GPR157: variants seen among roughly 807,000 people sequenced by gnomAD.
GPR157 encodes G-protein coupled receptor 157.
A neutral mutation model predicts 23.5 loss-of-function variants in GPR157; 16 were observed. The ratio of observed to expected loss-of-function variants is 0.68; its 90% confidence interval spans 0.46 to 1.04. The LOEUF is 1.04. Among genes scored for constraint, GPR157 ranks in the 50% least tolerant of loss-of-function variants. GPR157 has a pLI of 0.00. For synonymous variants in GPR157, 200 were observed against 221.5 expected, an observed-to-expected ratio of 0.90 and a Z score of 0.86; for missense variants, 440 against 460.7, an observed-to-expected ratio of 0.96 and a Z score of 0.41.
chr1:9,114,871 A>G (rs1404613022), intron 1 of GPR157, among the ~76,000 whole-genome samples: 1 of 150,538 alleles, frequency 6.6e-6, no homozygotes, highest in Non-Finnish European at 1.5e-5. Context: ...CAGTGAGCCA[A>G]GATTGTGCCA....
At position 9,107,737 on chromosome 1, in the gene GPR157, G is replaced by A. The variant is rs143487356; in HGVS notation, c.598-2057C>T. On this transcript the variant is annotated intron_variant, in intron 2 of 3. Transcript: ENST00000377411. ...AGGCCAGGAGTTCAAGACCAGGCTG[G>A]CCAAAATGGTGAAACCTGTCTCTAC... 3.0e-3 allele frequency among the ~76,000 whole-genome samples: 453 copies of A among 152,258 alleles called. 3 individuals carry two copies. The highest frequency in any genetic ancestry group is 0.011 in the African/African-American group (439 of 41,556).
At chr1:9,110,057 G>A (rs1158702087) in intron 2 of GPR157, among the ~76,000 whole-genome samples, 1 of 152,122 alleles carries the variant, frequency 6.6e-6, no homozygotes, top group Non-Finnish European at 1.5e-5. Flanking sequence ...TCTAAATTCA[G>A]AGCATTTCCT....
At chr1:9,117,043 T>C (rs1255208625) in intron 1 of GPR157, among the ~76,000 whole-genome samples, 1 of 152,120 alleles carries the variant, frequency 6.6e-6, no homozygotes, top group Non-Finnish European at 1.5e-5. Context: ...GCCCAGTCTA[T>C]TATTTTTCAA....
At chr1:9,122,149 G>A (rs996061003) in intron 1 of GPR157, among the ~76,000 whole-genome samples, 21 of 152,174 alleles carry the variant, frequency 1.4e-4, no homozygotes, top group African/African-American at 4.8e-4. Flanking sequence ...TATGTGGGAG[G>A]TGGGGAAATG....
intron 1 of GPR157, among the ~76,000 whole-genome samples, chr1:9,123,703 T>TTAAATATATATTTAATATATATTTAATA (rs1557701321): frequency 1.8e-5 from 2 of 112,874 alleles, no homozygotes; most frequent in East Asian, 2.9e-4. Context: ...TATATTTAAT[T>TTAAATATATATTTAATATATATTTAATA]TTAAATATGT....
rs552872677 is a variant in GPR157 at position 9,107,800 on chromosome 1, C to T, written c.598-2120G>A. Among the ~76,000 whole-genome samples the T allele has an allele frequency of 1.4e-4, 21 of 152,040 alleles. 1 individual carries two copies. The highest frequency in any genetic ancestry group is 2.6e-4 in the Non-Finnish European group (18 of 67,992). ...AAAATTATCGAGGCATGGTGGCGCA[C>T]ACCTGTGGTTCCAGCTACTTGGGAG... On this transcript the variant is annotated intron_variant, in intron 2 of 3. Transcript: ENST00000377411.
Position 9,105,371 on chromosome 1 carries a change from T to A in GPR157, c.792+115A>T, listed in dbSNP as rs185865396. ...GCACAGCACAGTGGGGCCGAGCTCC[T>A]CCCTGCAGCTGTGCCTTGGCCGACA... is the stretch of plus-strand genomic sequence containing the variant. On this transcript the variant is annotated intron_variant, in intron 3 of 3. Transcript: ENST00000377411. This position sits in a 1 kb window ranked among gnomAD's most constrained non-coding sequence, Gnocchi z 4.8. 1.3e-3 allele frequency: 1,232 copies of A among 931,930 alleles called. 13 individuals carry two copies. The African/African-American group carries it at 0.017, about 13-fold the overall frequency. 57.7% of individuals were successfully genotyped at this position (931,930 alleles called of 1,614,324 possible).
chr1:9,112,230 T>C (rs1374633951), intron 1 of GPR157, among the ~76,000 whole-genome samples: 1 of 152,228 alleles, frequency 6.6e-6, no homozygotes, highest in East Asian at 1.9e-4. Flanking sequence ...CCCTTGGGTC[T>C]AGGAGTGCAC....
At position 9,104,368 on chromosome 1, in the gene GPR157, C is replaced by A; in HGVS notation, c.*51G>T. On this transcript the variant is annotated 3_prime_UTR_variant, in exon 4 of 4. Coordinates refer to ENST00000377411, the MANE Select transcript of GPR157 (RefSeq NM_024980.5). ...CCTGCAGCAGGGACTCACAGAAGTG[C>A]CTACCCCCAGGAAGGCAGCACCTAT... The A allele has an allele frequency of 1.4e-6, 2 of 1,411,194 alleles. No homozygotes were observed. Among genetic ancestry groups the A allele is most frequent in the Non-Finnish European group, 2.0e-6 (2 of 1,002,842 alleles). 87.4% of individuals were successfully genotyped at this position (1,411,194 alleles called of 1,614,324 possible).
rs1638266301 is a variant in GPR157, at chr1:9,105,352, C to T, written c.792+134G>A. ...GTCTCAGGCAGAGAGGAAGGCACAGCACAGTGGGGCCGAGCTCCTCCCTGC... is the reference window on the plus strand; with the variant it reads ...GTCTCAGGCAGAGAGGAAGGCACAGTACAGTGGGGCCGAGCTCCTCCCTGC... On this transcript the variant is annotated intron_variant, in intron 3 of 3. Coordinates refer to ENST00000377411, the MANE Select transcript of GPR157 (RefSeq NM_024980.5). The surrounding 1 kb of genome is among the most constrained non-coding windows in gnomAD (Gnocchi z 4.8). 1.3e-6 allele frequency: 1 copy of T among 753,270 alleles called. No homozygotes were observed. The highest frequency in any genetic ancestry group is 2.1e-6 in the Non-Finnish European group (1 of 469,954). The allele number at this position is 753,270 out of a possible 1,614,324, so 46.7% of individuals were successfully genotyped here.
At chr1:9,114,945 A>G (rs1045477637) in intron 1 of GPR157, among the ~76,000 whole-genome samples, 7 of 150,158 alleles carry the variant, frequency 4.7e-5, no homozygotes, top group Non-Finnish European at 8.9e-5. Flanking sequence ...AAAAAAAAGA[A>G]TAAAAGAATA....
At chr1:9,123,260 A>T (rs1638849636) in intron 1 of GPR157, among the ~76,000 whole-genome samples, 2 of 26,288 alleles carry the variant, frequency 7.6e-5, no homozygotes, top group Non-Finnish European at 9.1e-5. Context: ...ATATATATTT[A>T]AATATATATA....
At position 9,103,968 on chromosome 1, in the gene GPR157, C is replaced by G. The variant is rs1642601406; in HGVS notation, c.*451G>C. 1 of 155,442 alleles carries G rather than the reference C, an allele frequency of 6.4e-6. No homozygotes were observed. Among genetic ancestry groups the G allele is most frequent in the South Asian group, 2.0e-4 (1 of 4,992 alleles). 9.6% of individuals were successfully genotyped at this position (155,442 alleles called of 1,614,324 possible). A position where few individuals can be genotyped will look rare whatever the true frequency, so the allele number is the denominator to read the frequency against. On this transcript the variant is annotated 3_prime_UTR_variant, in exon 4 of 4. Coordinates refer to ENST00000377411, the MANE Select transcript of GPR157 (RefSeq NM_024980.5). Reference sequence around the variant, plus strand: ...CTCCAGAGAATCTTAACACCCTGACCAGCCGGGAATCTGCTCCATGATGTG... The same window carrying G: ...CTCCAGAGAATCTTAACACCCTGACGAGCCGGGAATCTGCTCCATGATGTG...
At chr1:9,119,642 A>G (rs1029667816) in intron 1 of GPR157, among the ~76,000 whole-genome samples, 1 of 152,100 alleles carries the variant, frequency 6.6e-6, no homozygotes, top group Non-Finnish European at 1.5e-5. Context: ...CCCAGCTCCT[A>G]GGGCCCCCAA....
rs1638288863 is a variant in GPR157 at position 9,105,636 on chromosome 1, G to A, written c.642C>T (p.His214=). 6.2e-7 allele frequency: 1 copy of A among 1,613,092 alleles called. No individual in the cohort carries two copies. The highest frequency in any genetic ancestry group is 2.2e-5 in the East Asian group (1 of 44,862). Residue 214 remains histidine, a synonymous_variant, in exon 3 of 4, where the codon CAC becomes CAT. Transcript: ENST00000377411. The surrounding 1 kb of genome is among the most constrained non-coding windows in gnomAD (Gnocchi z 4.8). ...SEYRPILSQE[H]RLLRHSSMAD... is the part of the protein sequence containing the mutation. ...CCATGGAGGAGTGGCGCAGCAGGCG[G>A]TGCTCCTGGGAGAGGATGGGCCGGT...
Position 9,128,147 on chromosome 1 carries a change from A to G in GPR157, c.383+498T>C. 2.6e-6 allele frequency: 1 copy of G among 392,014 alleles called. No individual in the cohort carries two copies. Among genetic ancestry groups the G allele is most frequent in the South Asian group, 1.9e-5 (1 of 53,256 alleles). The allele number at this position is 392,014 out of a possible 1,614,324, so 24.3% of individuals were successfully genotyped here. On this transcript the variant is annotated intron_variant, in intron 1 of 3. Coordinates refer to ENST00000377411, the MANE Select transcript of GPR157 (RefSeq NM_024980.5). The surrounding 1 kb of genome is among the most constrained non-coding windows in gnomAD (Gnocchi z 6.3). Reference sequence around the variant, plus strand: ...CAGAATAAAAAGCACAGTCCTTTGTAAACTGTACAGCAGAGACACGGCAGC... The same window carrying G: ...CAGAATAAAAAGCACAGTCCTTTGTGAACTGTACAGCAGAGACACGGCAGC...
At chr1:9,106,879 G>A (rs1168278186) in intron 2 of GPR157, among the ~76,000 whole-genome samples, 1 of 152,082 alleles carries the variant, frequency 6.6e-6, no homozygotes, top group African/African-American at 2.4e-5. Flanking sequence ...CAGGAGAATC[G>A]CTTGAACCTG....
At chr1:9,104,672 G>T in intron 3 of GPR157, 38 bp from the exon 4 acceptor site, 1 of 1,483,560 alleles carries the variant, frequency 6.7e-7, no homozygotes. Context: ...TGGGGCTGGA[G>T]TTGGTCTCAG....
At chr1:9,107,475 C>T (rs1638369015) in intron 2 of GPR157, among the ~76,000 whole-genome samples, 1 of 151,850 alleles carries the variant, frequency 6.6e-6, no homozygotes, top group African/African-American at 2.4e-5. Context: ...ACTGTCTCTA[C>T]AAAAAATTTA....
Sources: allele counts gnomAD v4.1 joint callset (sites outside exome capture counted in the v4.1 genomes callset), GRCh38; gene constraint gnomAD v4.1.1; non-coding constraint Gnocchi (gnomAD v3.1); transcripts MANE v1.5; gene names NCBI Gene and HGNC (gene_info 2026-07-23, HGNC 2026-07-21).